IPO11: variants seen among roughly 807,000 people sequenced by gnomAD.
IPO11 encodes the protein importin-11.
IPO11 carries 66 observed loss-of-function variants against 143.2 expected under a neutral mutation model. The observed-to-expected ratio is 0.46, with a 90% CI of 0.38 to 0.57. The LOEUF is 0.57. Ranked by LOEUF, IPO11 falls within the 20% of genes least tolerant of loss-of-function variation. The pLI is 0.00. For missense variants in IPO11, 1,026 were observed against 1,141.0 expected, an observed-to-expected ratio of 0.90 and a Z score of 1.45; for synonymous variants, 385 against 377.8, an observed-to-expected ratio of 1.02 and a Z score of -0.22.
At chr5:62,580,872 T>C (rs780432647) in intron 27 of IPO11, 1 of 1,551,434 alleles carries the variant, frequency 6.4e-7, no homozygotes. Flanking sequence ...CATTAGAGAC[T>C]ACAGCAGTGT....
chr5:62,553,188 A>T (rs751050799), intron 26 of IPO11, among the ~76,000 whole-genome samples: 3 of 152,104 alleles, frequency 2.0e-5, no homozygotes, highest in Non-Finnish European at 4.4e-5. Context: ...TAGCTTCTAC[A>T]TGTAAGTGAG....
At chr5:62,584,703 G>A (rs1210249869) in intron 27 of IPO11, among the ~76,000 whole-genome samples, 1 of 147,792 alleles carries the variant, frequency 6.8e-6, no homozygotes, top group Non-Finnish European at 1.5e-5. Context: ...CTATACTAGT[G>A]CTGTACTGTC....
intron 1 of IPO11, among the ~76,000 whole-genome samples, chr5:62,421,734 A>T (rs1175003538): frequency 6.6e-6 from 1 of 152,244 alleles, no homozygotes; most frequent in Non-Finnish European, 1.5e-5. Context: ...CTCACAACTG[A>T]GAGAAAAATT....
intron 1 of IPO11, among the ~76,000 whole-genome samples, chr5:62,423,864 C>T (rs1743603053): frequency 6.6e-6 from 1 of 152,198 alleles, no homozygotes; most frequent in African/African-American, 2.4e-5. Flanking sequence ...CCGGTCTTCA[C>T]AGAAATTAAT....
chr5:62,584,608 G>C (rs1744695502), intron 27 of IPO11, among the ~76,000 whole-genome samples: 1 of 83,890 alleles, frequency 1.2e-5, no homozygotes, highest in African/African-American at 5.5e-5. Context: ...GCAAAACTGT[G>C]CCTCAAAAAA....
At position 62,533,215 on chromosome 5, in the gene IPO11, C is replaced by CT. The variant is rs67146609; in HGVS notation, c.2089+2443dup. ...CATGTATATTCTTTCTTTCTTTCTT[C>CT]TTTTTTTTTTTTTGAGATGGAGTTT... On this transcript the variant is annotated intron_variant, in intron 22 of 29. Transcript: ENST00000325324. Among the ~76,000 whole-genome samples the CT allele has an allele frequency of 1.9e-3, 43 of 22,896 alleles. 1 individual carries two copies. The highest frequency in any genetic ancestry group is 4.9e-3 in the South Asian group (2 of 406). The allele number at this position is 22,896 out of a possible 152,430, so 15.0% of individuals were successfully genotyped here.
At chr5:62,474,294 T>A in intron 7 of IPO11, 122 bp from the exon 8 acceptor site, 1 of 590,854 alleles carries the variant, frequency 1.7e-6, no homozygotes, top group Admixed American at 3.7e-5. Context: ...AATTTTAACT[T>A]ATTTTTCTTC....
chr5:62,421,159 T>C (rs913668975), intron 1 of IPO11, among the ~76,000 whole-genome samples: 2 of 152,208 alleles, frequency 1.3e-5, no homozygotes, highest in Non-Finnish European at 2.9e-5. Flanking sequence ...AACATTTAGC[T>C]CTTCTTTTCT....
rs1340097104 is a variant in IPO11, at chr5:62,452,877, C to T, written c.516+944C>T. ...AAACCATCCTCCTACCTCAGCCTCA[C>T]GAGTAGCTAGGACTACAGGTACATG... On this transcript the variant is annotated intron_variant, in intron 5 of 29. Transcript: ENST00000325324. Among the ~76,000 whole-genome samples the T allele has an allele frequency of 4.0e-5, 6 of 150,414 alleles. 1 individual carries two copies. Among genetic ancestry groups the T allele is most frequent in the African/African-American group, 1.0e-4 (4 of 39,860 alleles).
At chr5:62,519,209 C>T (rs1742128320) in intron 20 of IPO11, among the ~76,000 whole-genome samples, 1 of 151,920 alleles carries the variant, frequency 6.6e-6, no homozygotes, top group African/African-American at 2.4e-5. Context: ...GTAAAACTAC[C>T]TAAGCATTAG....
At chr5:62,472,712 A>G (rs1232005245) in intron 7 of IPO11, among the ~76,000 whole-genome samples, 2 of 151,948 alleles carry the variant, frequency 1.3e-5, no homozygotes, top group Non-Finnish European at 2.9e-5. Flanking sequence ...TATTTTTGGT[A>G]GAGACGGGGT....
At chr5:62,520,713 A>G (rs1287894377) in intron 20 of IPO11, among the ~76,000 whole-genome samples, 2 of 152,230 alleles carry the variant, frequency 1.3e-5, no homozygotes, top group Non-Finnish European at 2.9e-5. Context: ...GTAGTATTAC[A>G]TAGTGTATAT....
intron 19 of IPO11, among the ~76,000 whole-genome samples, chr5:62,514,453 G>A (rs1476548975): frequency 2.6e-5 from 4 of 151,896 alleles, no homozygotes; most frequent in African/African-American, 9.7e-5. Flanking sequence ...CCAGTCAGGC[G>A]TGGCGGCGCA....
chr5:62,433,743 C>G (rs2112121696), intron 1 of IPO11, among the ~76,000 whole-genome samples: 1 of 152,162 alleles, frequency 6.6e-6, no homozygotes, highest in East Asian at 1.9e-4. Flanking sequence ...GCAGATTCCA[C>G]TAGAACAGGA....
At chr5:62,614,399 C>G (rs568590801) in intron 29 of IPO11, among the ~76,000 whole-genome samples, 70 of 152,350 alleles carry the variant, frequency 4.6e-4, no homozygotes, top group African/African-American at 1.5e-3. Context: ...TTGCCCTGCT[C>G]CTCGCCCCTT....
At chr5:62,598,430 TTCTCTCTCTCTCTCTCTCTCTCTC>T (rs1323743350) in intron 28 of IPO11, among the ~76,000 whole-genome samples, 18 of 7,158 alleles carry the variant, frequency 2.5e-3, no homozygotes, top group Non-Finnish European at 3.6e-3. Context: ...CTTTCTTTCT[TTCTCTCTCTCTCTCTCTCTCTCTC>T]TCTCTCTCTC....
At chr5:62,516,411 A>G (rs1233908267) in intron 20 of IPO11, among the ~76,000 whole-genome samples, 2 of 152,028 alleles carry the variant, frequency 1.3e-5, no homozygotes, top group Non-Finnish European at 2.9e-5. Context: ...CTCCTGTCTC[A>G]GCCTCCCAAG....
intron 6 of IPO11, among the ~76,000 whole-genome samples, chr5:62,468,475 C>T (rs944728729): frequency 2.0e-5 from 3 of 152,076 alleles, no homozygotes; most frequent in African/African-American, 7.2e-5. Context: ...AAATAAAATC[C>T]ATTGTAGAAG....
At position 62,518,298 on chromosome 5, in the gene IPO11, G is replaced by A. The variant is rs143377709; in HGVS notation, c.1896+2797G>A. ...ATCTCTACTAAAAATACAAAACTTA[G>A]CCAGGTGAGGTGGCACATGCCTGTA... On this transcript the variant is annotated intron_variant, in intron 20 of 29. Transcript: ENST00000325324. Among the ~76,000 whole-genome samples, 380 of 152,176 alleles carry A rather than the reference G, an allele frequency of 2.5e-3. 3 individuals are homozygous for A. Among genetic ancestry groups the A allele is most frequent in the Middle Eastern group, 0.014 (4 of 294 alleles).
Sources: gnomAD v4.1 joint callset for allele counts (sites outside exome capture counted in the v4.1 genomes callset) on GRCh38, gnomAD v4.1.1 for gene constraint, MANE v1.5 for transcripts, NCBI Gene and HGNC (gene_info 2026-07-23, HGNC 2026-07-21) for gene names.